Variants in LAMA1 observed in about 807,000 individuals in gnomAD.
The protein encoded by LAMA1 is laminin subunit alpha 1, also known as laminin subunit alpha-1.
LAMA1 carries 219 observed loss-of-function variants against 348.7 expected under a neutral mutation model. The ratio of observed to expected loss-of-function variants is 0.63; its 90% CI spans 0.56 to 0.70. The LOEUF (loss-of-function observed/expected upper bound fraction) is 0.70, where lower values mean the gene tolerates loss of function less well. Among genes scored for constraint, LAMA1 ranks in the 30% least tolerant of loss-of-function variants. The pLI is 0.00. For synonymous variants in LAMA1, 1,487 were observed against 1,491.0 expected (o/e 1.00, Z 0.06); for missense variants, 3,744 against 3,888.0 (o/e 0.96, Z 0.99).
rs538027558 is a variant in LAMA1, at chr18:6,944,079, G to A, written c.8845-677C>T. Among the ~76,000 whole-genome samples the A allele has an allele frequency of 1.7e-4, 26 of 152,080 alleles. No homozygotes were observed. In the East Asian group the frequency reaches 3.7e-3, roughly 22 times the overall value. ...TGTCCAGGCTGGAGTGCAGTGGCGCGGTCTTGGCTTACTGCAAACTCCACC... is the reference window on the plus strand; with the variant it reads ...TGTCCAGGCTGGAGTGCAGTGGCGCAGTCTTGGCTTACTGCAAACTCCACC... On this transcript the variant is annotated intron_variant, in intron 61 of 62. Coordinates refer to ENST00000389658, the MANE Select transcript of LAMA1 (RefSeq NM_005559.4).
At chr18:7,075,562 G>T (rs2058164107) in intron 3 of LAMA1, among the ~76,000 whole-genome samples, 1 of 152,140 alleles carries the variant, frequency 6.6e-6, no homozygotes, top group Admixed American at 6.5e-5. Context: ...GGCGGAGGTT[G>T]CAGTGAGCCG....
At chr18:7,110,613 G>C (rs1014631555) in intron 1 of LAMA1, among the ~76,000 whole-genome samples, 1 of 152,168 alleles carries the variant, frequency 6.6e-6, no homozygotes, top group African/African-American at 2.4e-5. Context: ...CTTGAGATCA[G>C]GAGTTCGAGA....
intron 31 of LAMA1, 109 bp downstream of exon 31, chr18:6,999,802 C>A: frequency 8.0e-7 from 1 of 1,246,260 alleles, no homozygotes; most frequent in African/African-American, 1.5e-5. Context: ...CAAGCACATC[C>A]AAACTGATAA....
chr18:6,999,028 A>AT (rs926041323), intron 32 of LAMA1, among the ~76,000 whole-genome samples: 3 of 151,124 alleles, frequency 2.0e-5, no homozygotes, highest in African/African-American at 7.4e-5. Context: ...GCAAGACTCC[A>AT]TTTTTTTGTT....
chr18:7,001,768 C>T (rs1438399018), intron 30 of LAMA1, among the ~76,000 whole-genome samples: 1 of 152,120 alleles, frequency 6.6e-6, no homozygotes, highest in African/African-American at 2.4e-5. Flanking sequence ...TTCCCTTTTG[C>T]ATTCAGGTAA....
At chr18:7,022,356 T>C (rs368137033) in intron 19 of LAMA1, among the ~76,000 whole-genome samples, 54 of 152,184 alleles carry the variant, frequency 3.5e-4, no homozygotes, top group African/African-American at 1.2e-3. Context: ...ATCATAATTA[T>C]CCTGGTATGA....
chr18:6,976,208 T>TGG, intron 44 of LAMA1, 128 bp from the exon 45 acceptor site: 1 of 853,620 alleles, frequency 1.2e-6, no homozygotes, highest in Non-Finnish European at 2.0e-6. Flanking sequence ...TAACATACAA[T>TGG]GGTTCATGTT....
Position 6,966,861 on chromosome 18 carries a change from A to G in LAMA1, c.6900-564T>C, listed in dbSNP as rs142271225. ...AGTACGTAGGTTGAAACAGGGATAT[A>G]ATACGGCCCAGGGCATTTTCAGGTG... On this transcript the variant is annotated intron_variant, in intron 48 of 62. Transcript: ENST00000389658. Among the ~76,000 whole-genome samples, 840 of 152,334 alleles carry G rather than the reference A, an allele frequency of 5.5e-3. 3 individuals carry two copies. Among genetic ancestry groups the G allele is most frequent in the South Asian group, 0.012 (59 of 4,826 alleles).
intron 41 of LAMA1, among the ~76,000 whole-genome samples, chr18:6,981,301 C>A (rs1384011784): frequency 6.6e-6 from 1 of 152,078 alleles, no homozygotes; most frequent in Non-Finnish European, 1.5e-5. Context: ...TGAATCCTGG[C>A]CACCTTTCTC....
chr18:7,116,383 T>C (rs906736543), intron 1 of LAMA1, among the ~76,000 whole-genome samples: 13 of 152,216 alleles, frequency 8.5e-5, no homozygotes, highest in Non-Finnish European at 4.4e-5. Context: ...TTCTTCTGGC[T>C]GATAACTATG....
At chr18:6,975,096 C>A (rs746980286) in intron 45 of LAMA1, 60 bp from the exon 46 acceptor site, 7 of 1,572,188 alleles carry the variant, frequency 4.5e-6, no homozygotes, top group Non-Finnish European at 6.1e-6. Flanking sequence ...CTGACCACCA[C>A]AACACTTTAC....
At position 7,002,392 on chromosome 18, in the gene LAMA1, G is replaced by T; in HGVS notation, c.4261-7C>A. ...CTGTGTTATCGCCACAGTTCTGGGAGCCCACATTTAAAGGAAGGGGGAAAA... is the reference window on the plus strand; with the variant it reads ...CTGTGTTATCGCCACAGTTCTGGGATCCCACATTTAAAGGAAGGGGGAAAA... On this transcript the variant is annotated splice_polypyrimidine_tract_variant and splice_region_variant and intron_variant, in intron 29 of 62. Transcript: ENST00000389658. 5 of 1,612,608 alleles carry T rather than the reference G, an allele frequency of 3.1e-6. No individual in the cohort carries two copies. Among genetic ancestry groups the T allele is most frequent in the Non-Finnish European group, 4.2e-6 (5 of 1,179,940 alleles).
intron 1 of LAMA1, among the ~76,000 whole-genome samples, chr18:7,085,419 T>C (rs967827383): frequency 1.4e-5 from 2 of 139,380 alleles, no homozygotes; most frequent in African/African-American, 5.4e-5. Context: ...TCTTCTTTTT[T>C]TTTTTTTTTT....
At chr18:6,989,951 G>A (rs911570281) in intron 36 of LAMA1, among the ~76,000 whole-genome samples, 1 of 152,210 alleles carries the variant, frequency 6.6e-6, no homozygotes, top group Non-Finnish European at 1.5e-5. Context: ...TGGGACACTA[G>A]TGTTATAGAG....
intron 1 of LAMA1, among the ~76,000 whole-genome samples, chr18:7,093,150 C>T (rs1427387970): frequency 6.6e-6 from 1 of 152,198 alleles, no homozygotes; most frequent in African/African-American, 2.4e-5. Context: ...GGCACAGTGG[C>T]TCACGCCTGT....
intron 29 of LAMA1, among the ~76,000 whole-genome samples, chr18:7,003,409 A>C (rs534754230): frequency 7.5e-4 from 114 of 151,898 alleles, no homozygotes; most frequent in African/African-American, 2.7e-3. Flanking sequence ...CACCACCACA[A>C]CCGGCTAATT....
rs1568000046 is a variant in LAMA1 at position 6,942,099 on chromosome 18, AG to A, written c.9207del (p.Cys3070ValfsTer29). Reference protein sequence around the residue: ...AFELHGVFLHSCPGTES With the variant: ...AFELHGVFLHXCPGTES ...GAAGTTCAGGACTCGGTCCCAGGAC[AG>A]GAATGAAGGAAAACTCCGTGCAGTT... On this transcript the variant is annotated frameshift_variant, in exon 63 of 63. Transcript: ENST00000389658. LOFTEE classifies it high-confidence loss of function. 1 of 1,614,214 alleles carries A rather than the reference AG, an allele frequency of 6.2e-7. No homozygotes were observed. Among genetic ancestry groups the A allele is most frequent in the East Asian group, 2.2e-5 (1 of 44,870 alleles).
intron 48 of LAMA1, among the ~76,000 whole-genome samples, chr18:6,970,273 G>A (rs780834140): frequency 2.6e-5 from 4 of 151,516 alleles, no homozygotes; most frequent in East Asian, 1.9e-4. Flanking sequence ...TTTTTCACAC[G>A]TTTATTGTCA....
At chr18:6,971,673 GT>G (rs1272525092) in intron 48 of LAMA1, among the ~76,000 whole-genome samples, 183 bp downstream of exon 48, 1 of 151,920 alleles carries the variant, frequency 6.6e-6, no homozygotes, top group African/African-American at 2.4e-5. Flanking sequence ...TTATACCAAT[GT>G]CACAGGATTT....
Sources: allele counts gnomAD v4.1 joint callset (sites outside exome capture counted in the v4.1 genomes callset), GRCh38; gene constraint gnomAD v4.1.1; transcripts MANE v1.5; gene names NCBI Gene and HGNC (gene_info 2026-07-23, HGNC 2026-07-21).